The following CAB39L variants were observed in gnomAD, a reference collection of about 807,000 sequenced individuals.
CAB39L encodes the protein calcium binding protein 39 like.
In CAB39L, 23 loss-of-function variants were observed where a neutral mutation model predicts 39.1. The observed-to-expected ratio is 0.59, with a 90% CI of 0.42 to 0.83. CAB39L has a LOEUF of 0.83. CAB39L is among the 40% of genes least tolerant of loss of function. The pLI, the probability that CAB39L is intolerant of heterozygous loss-of-function variation, is 0.00. For synonymous variants in CAB39L, 126 were observed against 137.2 expected, an observed-to-expected ratio of 0.92 and a Z score of 0.57; for missense variants, 366 against 391.9, an observed-to-expected ratio of 0.93 and a Z score of 0.56.
At chr13:49,437,506 C>A (rs529726804) in intron 1 of CAB39L, among the ~76,000 whole-genome samples, 25 of 151,956 alleles carry the variant, frequency 1.6e-4, no homozygotes, top group African/African-American at 6.0e-4. Context: ...GATCTTACAC[C>A]TCTTCTCACT....
intron 3 of CAB39L, among the ~76,000 whole-genome samples, chr13:49,405,987 G>A (rs1956868410): frequency 6.6e-6 from 1 of 151,966 alleles, no homozygotes; most frequent in African/African-American, 2.4e-5. Context: ...GAGATAGAGA[G>A]GAGAATGATG....
chr13:49,394,416 G>T (rs1594049244), intron 3 of CAB39L, among the ~76,000 whole-genome samples: 1 of 151,956 alleles, frequency 6.6e-6, no homozygotes, highest in Admixed American at 6.5e-5. Flanking sequence ...TTTTGCAACA[G>T]GCTCTCATTT....
chr13:49,388,747 TA>T (rs1246274001), intron 3 of CAB39L, among the ~76,000 whole-genome samples: 1 of 151,628 alleles, frequency 6.6e-6, no homozygotes, highest in East Asian at 1.9e-4. Flanking sequence ...CATATAGGAA[TA>T]AAAATAAATA....
chr13:49,386,442 G>A (rs866686178), intron 3 of CAB39L, among the ~76,000 whole-genome samples: 2 of 151,982 alleles, frequency 1.3e-5, no homozygotes, highest in Non-Finnish European at 2.9e-5. Flanking sequence ...CACAATCCCT[G>A]TTCTTTGAAG....
At chr13:49,362,045 A>C (rs1387730206) in intron 5 of CAB39L, among the ~76,000 whole-genome samples, 4 of 149,718 alleles carry the variant, frequency 2.7e-5, no homozygotes, top group Non-Finnish European at 5.9e-5. Context: ...CCACCTTATA[A>C]TATACATATT....
intron 4 of CAB39L, among the ~76,000 whole-genome samples, chr13:49,379,110 G>A (rs1956195863): frequency 4.0e-5 from 2 of 49,868 alleles, no homozygotes; most frequent in African/African-American, 2.9e-4. Context: ...CGCCCCGTCC[G>A]GGAGGTGAGG....
intron 3 of CAB39L, among the ~76,000 whole-genome samples, chr13:49,411,509 T>C (rs1956990081): frequency 1.3e-5 from 2 of 152,086 alleles, no homozygotes; most frequent in Non-Finnish European, 1.5e-5. Context: ...CAGACCCTTT[T>C]TCCAGGCATA....
At chr13:49,331,739 T>C (rs953093000) in intron 10 of CAB39L, among the ~76,000 whole-genome samples, 1 of 152,140 alleles carries the variant, frequency 6.6e-6, no homozygotes, top group African/African-American at 2.4e-5. Context: ...AAAATAAAAA[T>C]ATTTAGATGT....
At chr13:49,396,250 T>TA (rs955037232) in intron 3 of CAB39L, among the ~76,000 whole-genome samples, 2 of 152,064 alleles carry the variant, frequency 1.3e-5, no homozygotes, top group African/African-American at 2.4e-5. Context: ...GAAAGACAAC[T>TA]AAAAAATGAA....
chr13:49,440,945 G>C (rs1370674519), intron 1 of CAB39L, among the ~76,000 whole-genome samples: 1 of 151,996 alleles, frequency 6.6e-6, no homozygotes. Flanking sequence ...AGCCAAGAGA[G>C]ATAGTCTGAC....
chr13:49,357,242 A>G (rs143727590), intron 6 of CAB39L, among the ~76,000 whole-genome samples: 183 of 152,276 alleles, frequency 1.2e-3, no homozygotes, highest in African/African-American at 3.9e-3. Flanking sequence ...AGGCTCTGTC[A>G]TGTATTAGCC....
chr13:49,407,429 G>T (rs1183386232), intron 3 of CAB39L, among the ~76,000 whole-genome samples: 2 of 151,926 alleles, frequency 1.3e-5, no homozygotes, highest in Non-Finnish European at 2.9e-5. Flanking sequence ...GAATGTTTAA[G>T]GTACATTATT....
intron 3 of CAB39L, among the ~76,000 whole-genome samples, chr13:49,396,576 C>T (rs1349066317): frequency 1.3e-5 from 2 of 151,906 alleles, no homozygotes; most frequent in African/African-American, 2.4e-5. Flanking sequence ...GGTGTGGTGG[C>T]AGGCGCCTGT....
chr13:49,315,615 C>T (rs939723616), intron 10 of CAB39L, among the ~76,000 whole-genome samples: 1 of 151,968 alleles, frequency 6.6e-6, no homozygotes, highest in Non-Finnish European at 1.5e-5. Flanking sequence ...GGACTGGGTA[C>T]GGTGGCTCAC....
chr13:49,308,788 G>A lies in CAB39L; in HGVS notation c.*2026C>T, dbSNP rs1315105624. 1 of 152,512 alleles carries A rather than the reference G, an allele frequency of 6.6e-6. No individual in the cohort carries two copies. Among genetic ancestry groups the A allele is most frequent in the Non-Finnish European group, 1.5e-5 (1 of 68,020 alleles). The allele number at this position is 152,512 out of a possible 1,614,324, so 9.4% of individuals were successfully genotyped here. On this transcript the variant is annotated 3_prime_UTR_variant, in exon 11 of 11. Coordinates refer to ENST00000409308, the MANE Select transcript of CAB39L (RefSeq NM_001079670.3). The stretch of plus-strand genomic sequence containing the variant: ...ACAAATCCCCCTTTGTGCAAAGGGG[G>A]AGCTTCCTGCTCCCCCTTTCACATT...
At chr13:49,367,981 A>C (rs2138531633) in intron 5 of CAB39L, among the ~76,000 whole-genome samples, 1 of 152,348 alleles carries the variant, frequency 6.6e-6, no homozygotes, top group Middle Eastern at 3.4e-3. Flanking sequence ...CTGATGTTAA[A>C]GACTATATTT....
intron 6 of CAB39L, among the ~76,000 whole-genome samples, chr13:49,356,050 C>A (rs1356407725): frequency 6.6e-6 from 1 of 152,024 alleles, no homozygotes; most frequent in African/African-American, 2.4e-5. Context: ...CTTTTTGTCA[C>A]CTCTAGCAAA....
At chr13:49,381,681 G>A (rs1956256166) in intron 4 of CAB39L, among the ~76,000 whole-genome samples, 1 of 152,166 alleles carries the variant, frequency 6.6e-6, no homozygotes, top group South Asian at 2.1e-4. Context: ...ACTGTTGCAT[G>A]TAGGCAGAAG....
intron 3 of CAB39L, among the ~76,000 whole-genome samples, chr13:49,394,069 C>T (rs1025020577): frequency 5.3e-5 from 8 of 151,484 alleles, no homozygotes; most frequent in Non-Finnish European, 1.2e-4. Context: ...AAAGTTAATA[C>T]GAATATGCCA....
Sources: allele counts gnomAD v4.1 joint callset (sites outside exome capture counted in the v4.1 genomes callset), GRCh38; gene constraint gnomAD v4.1.1; transcripts MANE v1.5; gene names NCBI Gene and HGNC (gene_info 2026-07-23, HGNC 2026-07-21).